Variants in NOS1AP observed in about 807,000 individuals in gnomAD.
NOS1AP encodes the protein nitric oxide synthase 1 adaptor protein, also known as carboxyl-terminal PDZ ligand of neuronal nitric oxide synthase protein.
Under a neutral mutation model 56.2 loss-of-function variants are expected in NOS1AP, and 21 were observed. The observed-to-expected ratio is 0.37, with a 90% CI of 0.26 to 0.54. NOS1AP has a LOEUF of 0.54. NOS1AP is among the 20% of genes least tolerant of loss of function. The pLI is 0.84. For synonymous variants in NOS1AP, 270 were observed against 274.6 expected, an observed-to-expected ratio of 0.98 and a Z score of 0.17; for missense variants, 522 against 657.8, an observed-to-expected ratio of 0.79 and a Z score of 2.26.
chr1:162,182,632 A>G (rs929622217), intron 2 of NOS1AP, among the ~76,000 whole-genome samples: 4 of 152,220 alleles, frequency 2.6e-5, no homozygotes, highest in Admixed American at 2.0e-4. Context: ...CTGCTTTATC[A>G]ACTAAGTTTA....
At chr1:162,310,273 C>T (rs758984101) in intron 4 of NOS1AP, among the ~76,000 whole-genome samples, 1 of 152,192 alleles carries the variant, frequency 6.6e-6, no homozygotes, top group African/African-American at 2.4e-5. Flanking sequence ...CTCTTTTGCT[C>T]TCTGTGTGGT....
chr1:162,345,224 T>A (rs926081122), intron 6 of NOS1AP, among the ~76,000 whole-genome samples: 1 of 151,914 alleles, frequency 6.6e-6, no homozygotes, highest in African/African-American at 2.4e-5. Context: ...GTTACATATG[T>A]ATACATGTGC....
At chr1:162,289,703 GACCTCAGCTTATCCACCC>G (rs1480920580) in intron 3 of NOS1AP, among the ~76,000 whole-genome samples, 2 of 152,022 alleles carry the variant, frequency 1.3e-5, no homozygotes, top group Non-Finnish European at 2.9e-5. Flanking sequence ...TCGAACTCCT[GACCTCAGCTTATCCACCC>G]ACCTCAGCCT....
chr1:162,202,098 A>G (rs908074034), intron 2 of NOS1AP, among the ~76,000 whole-genome samples: 1 of 152,160 alleles, frequency 6.6e-6, no homozygotes, highest in Non-Finnish European at 1.5e-5. Flanking sequence ...GGGGATCTGT[A>G]TGTGGTCCCA....
chr1:162,204,897 G>A (rs1652112178), intron 2 of NOS1AP, among the ~76,000 whole-genome samples: 1 of 152,152 alleles, frequency 6.6e-6, no homozygotes, highest in Non-Finnish European at 1.5e-5. Context: ...GTTTATAGGG[G>A]TAGGACTAGG....
chr1:162,202,786 C>A (rs537309083), intron 2 of NOS1AP, among the ~76,000 whole-genome samples: 1 of 152,222 alleles, frequency 6.6e-6, no homozygotes, highest in South Asian at 2.1e-4. Flanking sequence ...GATGCTTTTT[C>A]TTCAAATGAT....
chr1:162,159,709 T>G (rs896011447), intron 2 of NOS1AP, among the ~76,000 whole-genome samples: 2 of 152,218 alleles, frequency 1.3e-5, no homozygotes, highest in African/African-American at 2.4e-5. Context: ...CTGTGCTCAG[T>G]AAACATTTGT....
intron 2 of NOS1AP, among the ~76,000 whole-genome samples, chr1:162,224,001 C>G (rs1652866312): frequency 6.6e-6 from 1 of 152,164 alleles, no homozygotes; most frequent in Admixed American, 6.5e-5. Context: ...CTGTTAAGGG[C>G]ACTCTCCAGT....
At chr1:162,163,339 A>G (rs1650318879) in intron 2 of NOS1AP, among the ~76,000 whole-genome samples, 1 of 152,168 alleles carries the variant, frequency 6.6e-6, no homozygotes, top group South Asian at 2.1e-4. Flanking sequence ...AAACAAATCA[A>G]TGCTTTCTTA....
chr1:162,295,016 A>G (rs1473905603), intron 3 of NOS1AP, among the ~76,000 whole-genome samples: 2 of 152,160 alleles, frequency 1.3e-5, no homozygotes, highest in Admixed American at 6.5e-5. Flanking sequence ...GCCCTGCCTG[A>G]GCCTGGACTC....
intron 1 of NOS1AP, among the ~76,000 whole-genome samples, chr1:162,112,008 T>C (rs1647728792): frequency 6.6e-6 from 1 of 152,232 alleles, no homozygotes; most frequent in Non-Finnish European, 1.5e-5. Flanking sequence ...GGTTTACCGC[T>C]CAGGCCAGTG....
At chr1:162,366,811 T>A (rs940261124) in intron 9 of NOS1AP, 7 of 600,036 alleles carry the variant, frequency 1.2e-5, no homozygotes, top group African/African-American at 1.1e-4. Context: ...AGAACCATCA[T>A]ATGGTTCTTA....
At chr1:162,183,020 G>A (rs1269446589) in intron 2 of NOS1AP, among the ~76,000 whole-genome samples, 1 of 152,154 alleles carries the variant, frequency 6.6e-6, no homozygotes, top group African/African-American at 2.4e-5. Context: ...TGCTTTGTTT[G>A]GGTCCTTCAG....
chr1:162,331,071 C>G (rs1006021846), intron 4 of NOS1AP, among the ~76,000 whole-genome samples: 6 of 152,168 alleles, frequency 3.9e-5, no homozygotes, highest in Admixed American at 3.3e-4. Context: ...AGGAGATGTC[C>G]AGGAAGGTTG....
At chr1:162,196,348 G>A (rs1357252465) in intron 2 of NOS1AP, among the ~76,000 whole-genome samples, 2 of 152,180 alleles carry the variant, frequency 1.3e-5, no homozygotes, top group Admixed American at 1.3e-4. Context: ...TGCTAGTTTG[G>A]TTGATACCAC....
At chr1:162,141,453 A>G (rs1649231800) in intron 1 of NOS1AP, among the ~76,000 whole-genome samples, 1 of 152,234 alleles carries the variant, frequency 6.6e-6, no homozygotes, top group Admixed American at 6.5e-5. Flanking sequence ...ATCATTGAAC[A>G]TTAGTCAGTC....
Position 162,230,352 on chromosome 1 carries a change from C to T in NOS1AP, c.178-56992C>T, listed in dbSNP as rs553672085. Among the ~76,000 whole-genome samples, 217 of 152,302 alleles carry T rather than the reference C, an allele frequency of 1.4e-3. 1 individual carries two copies. The highest frequency in any genetic ancestry group is 5.1e-3 in the African/African-American group (213 of 41,558). ...CAGGAAGAGAAGCTTTTCCTTTCAG[C>T]ACCCTCTACTGACAGGACCCAATGT... On this transcript the variant is annotated intron_variant, in intron 2 of 9. Coordinates refer to ENST00000361897, the MANE Select transcript of NOS1AP (RefSeq NM_014697.3).
At chr1:162,196,968 A>T (rs530356965) in intron 2 of NOS1AP, among the ~76,000 whole-genome samples, 157 of 152,168 alleles carry the variant, frequency 1.0e-3, no homozygotes, top group African/African-American at 3.7e-3. Flanking sequence ...TTCCAGCTGT[A>T]ACTAAATGAG....
In NOS1AP at chr1:162,127,110, T is replaced by TA. The variant is rs145131727; in HGVS notation, c.106-27295_106-27294insA. On this transcript the variant is annotated intron_variant, in intron 1 of 9. Coordinates refer to ENST00000361897, the MANE Select transcript of NOS1AP (RefSeq NM_014697.3). ...TCATCTGCTTATATCTTTTGCCATA[T>TA]TTTTTTTTAAATCAGGGTTTTGGTC... 8.1e-5 allele frequency among the ~76,000 whole-genome samples: 12 copies of TA among 148,124 alleles called. No individual in the cohort carries two copies. In the Admixed American group the frequency reaches 8.7e-4, roughly 11 times the overall value.
Sources: allele counts gnomAD v4.1 joint callset (sites outside exome capture counted in the v4.1 genomes callset), GRCh38; gene constraint gnomAD v4.1.1; transcripts MANE v1.5; gene names NCBI Gene and HGNC (gene_info 2026-07-23, HGNC 2026-07-21).